PCDH9: variants seen among roughly 807,000 people sequenced by gnomAD.
PCDH9 encodes protocadherin-9.
A neutral mutation model predicts 70.6 loss-of-function variants in PCDH9; 24 were observed. That is an observed-to-expected ratio of 0.34 (90% CI 0.25 to 0.48). The LOEUF (loss-of-function observed/expected upper bound fraction) is 0.48, where lower values mean the gene tolerates loss of function less well. PCDH9 is among the 20% of genes least tolerant of loss of function. The probability of loss-of-function intolerance (pLI) is 0.99; values close to 1 mark genes in which losing one functional copy is unlikely to be tolerated. For synonymous variants in PCDH9, 562 were observed against 558.5 expected (o/e 1.01, Z -0.09); for missense variants, 1,281 against 1,503.6 (o/e 0.85, Z 2.45).
chr13:66,983,809 G>GT (rs143391171), intron 2 of PCDH9, among the ~76,000 whole-genome samples: 3,876 of 150,902 alleles, frequency 0.026, 168 homozygotes, highest in African/African-American at 0.088. Flanking sequence ...GTACCCAATC[G>GT]TTTTTTTTGT....
intron 3 of PCDH9, among the ~76,000 whole-genome samples, chr13:66,801,281 C>T (rs1362039363): frequency 6.6e-6 from 1 of 152,064 alleles, no homozygotes; most frequent in African/African-American, 2.4e-5. Flanking sequence ...ATACCTAGAA[C>T]TACGTGTAAA....
intron 4 of PCDH9, among the ~76,000 whole-genome samples, chr13:66,537,062 T>C (rs1020775648): frequency 2.0e-5 from 3 of 152,134 alleles, no homozygotes; most frequent in African/African-American, 4.8e-5. Context: ...TTTTGACAAA[T>C]AGACCTCAAT....
At chr13:66,827,664 G>A (rs2080849246) in intron 3 of PCDH9, among the ~76,000 whole-genome samples, 2 of 152,150 alleles carry the variant, frequency 1.3e-5, no homozygotes, top group Admixed American at 1.3e-4. Context: ...AGGTAATTTT[G>A]CATCATTCAT....
At chr13:66,772,563 T>C (rs577354343) in intron 3 of PCDH9, among the ~76,000 whole-genome samples, 121 of 152,284 alleles carry the variant, frequency 7.9e-4, no homozygotes, top group African/African-American at 2.9e-3. Context: ...ATTATTTGTA[T>C]TTTTATTTTC....
intron 3 of PCDH9, among the ~76,000 whole-genome samples, chr13:66,753,905 G>T (rs2079498829): frequency 6.6e-6 from 1 of 152,150 alleles, no homozygotes; most frequent in Non-Finnish European, 1.5e-5. Flanking sequence ...AAAATTTGTT[G>T]TAATAACATT....
At chr13:66,640,848 T>C (rs1369382743) in intron 3 of PCDH9, among the ~76,000 whole-genome samples, 3 of 152,126 alleles carry the variant, frequency 2.0e-5, no homozygotes, top group East Asian at 3.9e-4. Context: ...TGTCACACAA[T>C]GCAGTTTTGT....
At chr13:66,397,610 T>C (rs1957124935) in intron 4 of PCDH9, among the ~76,000 whole-genome samples, 1 of 151,550 alleles carries the variant, frequency 6.6e-6, no homozygotes, top group Non-Finnish European at 1.5e-5. Flanking sequence ...TGTACATATA[T>C]GTGTATATAT....
chr13:67,133,707 G>A (rs2087162936), intron 2 of PCDH9, among the ~76,000 whole-genome samples: 1 of 152,008 alleles, frequency 6.6e-6, no homozygotes, highest in Admixed American at 6.6e-5. Context: ...CTAAATGACT[G>A]CATTGCCTTT....
chr13:66,589,636 G>C (rs1376058147), intron 4 of PCDH9, among the ~76,000 whole-genome samples: 1 of 152,052 alleles, frequency 6.6e-6, no homozygotes, highest in Non-Finnish European at 1.5e-5. Context: ...GCTCCTAAGT[G>C]CCTGGGAGTT....
chr13:66,480,930 A>G (rs1207492605), intron 4 of PCDH9, among the ~76,000 whole-genome samples: 1 of 152,164 alleles, frequency 6.6e-6, no homozygotes, highest in Non-Finnish European at 1.5e-5. Context: ...TCAATGATAG[A>G]CTGGATAAAG....
chr13:66,376,671 A>C (rs1472863801), intron 4 of PCDH9, among the ~76,000 whole-genome samples: 1 of 152,160 alleles, frequency 6.6e-6, no homozygotes, highest in Non-Finnish European at 1.5e-5. Context: ...TATCATAAAA[A>C]TTCAGAGAAG....
chr13:66,313,537 C>T (rs1955600007), intron 4 of PCDH9, among the ~76,000 whole-genome samples: 1 of 152,138 alleles, frequency 6.6e-6, no homozygotes. Context: ...TATTTTGTCC[C>T]CTTTAAAAAG....
chr13:66,724,788 C>A (rs1037130680), intron 3 of PCDH9, among the ~76,000 whole-genome samples: 1 of 152,106 alleles, frequency 6.6e-6, no homozygotes, highest in African/African-American at 2.4e-5. Context: ...CCAATCAGAG[C>A]TTATCTAGTG....
At chr13:67,201,855 A>C (rs1389610024) in intron 2 of PCDH9, 2 of 152,000 alleles carry the variant, frequency 1.3e-5, no homozygotes, top group Admixed American at 1.3e-4. Context: ...CTGTACTGTA[A>C]GTGTTACCTA....
intron 3 of PCDH9, among the ~76,000 whole-genome samples, chr13:66,816,392 G>A (rs569046594): frequency 1.3e-5 from 2 of 152,186 alleles, no homozygotes; most frequent in South Asian, 4.1e-4. Context: ...AGCCCAGGTA[G>A]AACCCAAGTG....
At chr13:66,527,300 A>G (rs1369016387) in intron 4 of PCDH9, among the ~76,000 whole-genome samples, 1 of 151,950 alleles carries the variant, frequency 6.6e-6, no homozygotes, top group Non-Finnish European at 1.5e-5. Context: ...AGACCAGCAG[A>G]TATTGTCACA....
intron 4 of PCDH9, among the ~76,000 whole-genome samples, chr13:66,504,676 G>C (rs1959194642): frequency 6.6e-6 from 1 of 152,158 alleles, no homozygotes; most frequent in Non-Finnish European, 1.5e-5. Flanking sequence ...CAGAGCCAAG[G>C]ACTATGACTA....
At chr13:66,960,557 CATGTT>C (rs1457711171) in intron 2 of PCDH9, among the ~76,000 whole-genome samples, 2 of 152,136 alleles carry the variant, frequency 1.3e-5, no homozygotes, top group Non-Finnish European at 2.9e-5. Flanking sequence ...AGGTCACTCT[CATGTT>C]ATTATCTACT....
In PCDH9 at chr13:67,193,346, CACA is replaced by C. The variant is rs2088971401; in HGVS notation, c.3036+32056_3036+32058del. ...CTGGAGATTAAAACACACACACACA[CACA>C]CACACACACACACACACAACATAGG... On this transcript the variant is annotated intron_variant, in intron 2 of 4. Transcript: ENST00000377865. 7.3e-5 allele frequency among the ~76,000 whole-genome samples: 11 copies of C among 151,606 alleles called. No individual in the cohort carries two copies. The South Asian group carries it at 1.9e-3, about 26-fold the overall frequency.
Sources: allele counts gnomAD v4.1 joint callset (sites outside exome capture counted in the v4.1 genomes callset), GRCh38; gene constraint gnomAD v4.1.1; transcripts MANE v1.5; gene names NCBI Gene and HGNC (gene_info 2026-07-23, HGNC 2026-07-21).